Variants in CCNB2 observed in about 807,000 individuals in gnomAD.
The protein encoded by CCNB2 is G2/mitotic-specific cyclin-B2.
In CCNB2, 39 loss-of-function variants were observed where a neutral mutation model predicts 51.1. The observed-to-expected ratio is 0.76, with a 90% confidence interval of 0.59 to 1.00. The LOEUF (loss-of-function observed/expected upper bound fraction) is 1.00. CCNB2 is among the 50% of genes least tolerant of loss of function. The pLI, the probability that CCNB2 is intolerant of heterozygous loss-of-function variation, is 0.00. For synonymous variants in CCNB2, 174 were observed against 165.5 expected (o/e 1.05, Z -0.40); for missense variants, 472 against 470.3 (o/e 1.00, Z -0.03).
rs28383537 is a variant in CCNB2, at chr15:59,116,244, G to A, written c.598-446G>A. 4.4e-3 allele frequency among the ~76,000 whole-genome samples: 677 copies of A among 152,136 alleles called. 4 individuals carry two copies. The highest frequency in any genetic ancestry group is 0.012 in the South Asian group (57 of 4,808). On this transcript the variant is annotated intron_variant, in intron 5 of 8. Transcript: ENST00000288207. ...CATTAAATTCTCACTTTTTTCTTTG[G>A]CCTCATTTCTATTCAGACCATGTTT...
At chr15:59,120,921 A>G (rs2079299469) in intron 7 of CCNB2, 1 of 152,220 alleles carries the variant, frequency 6.6e-6, no homozygotes, top group Admixed American at 6.5e-5. Context: ...CGTGTTGTGC[A>G]GTAAGATGTA....
intron 3 of CCNB2, among the ~76,000 whole-genome samples, chr15:59,110,024 C>T (rs1327521430): frequency 1.3e-5 from 2 of 152,044 alleles, no homozygotes; most frequent in South Asian, 4.2e-4. Flanking sequence ...AAACAAAAAA[C>T]TTCAAACTTT....
At chr15:59,108,700 T>C (rs10518998) in intron 3 of CCNB2, among the ~76,000 whole-genome samples, 5,974 of 152,292 alleles carry the variant, frequency 0.039, 209 homozygotes, top group African/African-American at 0.095. Flanking sequence ...AAAGGTATCC[T>C]GTTTGGCTTC....
At chr15:59,114,304 T>G (rs1350774035) in intron 3 of CCNB2, 140 bp from the exon 4 acceptor site, 1 of 598,622 alleles carries the variant, frequency 1.7e-6, no homozygotes, top group African/African-American at 1.8e-5. Context: ...ATATCTTGAA[T>G]TATTCACCTC....
At chr15:59,114,695 T>C in intron 4 of CCNB2, 23 bp from the exon 5 acceptor site, 1 of 1,594,398 alleles carries the variant, frequency 6.3e-7, no homozygotes, top group Non-Finnish European at 8.6e-7. Context: ...GTCAGCTTTT[T>C]AAACTTTTGA....
chr15:59,116,655 T>C, intron 5 of CCNB2, 35 bp from the exon 6 acceptor site: 1 of 1,446,008 alleles, frequency 6.9e-7, no homozygotes, highest in East Asian at 2.3e-5. Context: ...CTCTTCTTGT[T>C]AGGTGTGACT....
In CCNB2 at chr15:59,105,228, C is replaced by T; in HGVS notation, c.-41C>T. 1 of 1,550,964 alleles carries T rather than the reference C, an allele frequency of 6.4e-7. No homozygotes were observed. Among genetic ancestry groups the T allele is most frequent in the Non-Finnish European group, 8.7e-7 (1 of 1,147,956 alleles). On this transcript the variant is annotated 5_prime_UTR_variant, in exon 1 of 9. Transcript: ENST00000288207. Reference sequence around the variant, plus strand: ...TGTCCTCCCTTTTCAGTCCGCGTCCCTCCCTGGGCCGGGCTGGCACTCTTG... The same window carrying T: ...TGTCCTCCCTTTTCAGTCCGCGTCCTTCCCTGGGCCGGGCTGGCACTCTTG...
At chr15:59,122,239 A>ATATTTTTT (rs1330208146) in intron 7 of CCNB2, among the ~76,000 whole-genome samples, 1 of 97,440 alleles carries the variant, frequency 1.0e-5, no homozygotes, top group East Asian at 3.7e-4. Flanking sequence ...CAGTTGACAT[A>ATATTTTTT]TCTTTTTTTT....
At chr15:59,119,899 G>C (rs2079295235) in intron 7 of CCNB2, among the ~76,000 whole-genome samples, 1 of 152,062 alleles carries the variant, frequency 6.6e-6, no homozygotes, top group African/African-American at 2.4e-5. Context: ...GTAGAGATTA[G>C]CTCTCCCTGT....
chr15:59,111,775 T>A (rs964938199), intron 3 of CCNB2, among the ~76,000 whole-genome samples: 2 of 152,090 alleles, frequency 1.3e-5, no homozygotes, highest in Non-Finnish European at 2.9e-5. Context: ...TCTGGTACCC[T>A]GGGTACCTCT....
Position 59,122,241 on chromosome 15 carries a change from C to CTTT in CCNB2, c.976-1253_976-1251dup, listed in dbSNP as rs1162917277. On this transcript the variant is annotated intron_variant, in intron 7 of 8. Coordinates refer to ENST00000288207, the MANE Select transcript of CCNB2 (RefSeq NM_004701.4). ...TCTTAAATAAAGTCAGTTGACATAT[C>CTTT]TTTTTTTTTTTTTTTTTTTTTTTTT... Among the ~76,000 whole-genome samples, 232 of 73,000 alleles carry CTTT rather than the reference C, an allele frequency of 3.2e-3. 11 individuals carry two copies. Among genetic ancestry groups the CTTT allele is most frequent in the African/African-American group, 5.2e-3 (90 of 17,180 alleles). The allele number at this position is 73,000 out of a possible 152,430, so 47.9% of individuals were successfully genotyped here.
intron 3 of CCNB2, among the ~76,000 whole-genome samples, chr15:59,112,836 C>T (rs1158590348): frequency 2.6e-5 from 4 of 151,284 alleles, no homozygotes; most frequent in African/African-American, 4.9e-5. Context: ...AGATCGAGAC[C>T]ATCCTGGCTA....
chr15:59,114,769 C>T lies in CCNB2; in HGVS notation c.490C>T (p.Arg164Cys), dbSNP rs144432316. Reference protein sequence around the residue: ...HFLDGRDINGRMRAILVDWLV... With the variant: ...HFLDGRDINGCMRAILVDWLV... ...CTTAGATGGAAGAGATATAAATGGA[C>T]GCATGCGTGCCATCCTAGTGGATTG... The change falls in exon 5 of 9, where the codon CGC becomes TGC. Residue 164 changes from arginine (R) to cysteine (C), a missense_variant. Coordinates refer to ENST00000288207, the MANE Select transcript of CCNB2 (RefSeq NM_004701.4). 1.1e-3 allele frequency: 1,769 copies of T among 1,614,048 alleles called. 1 individual carries two copies. The highest frequency in any genetic ancestry group is 1.7e-3 in the Middle Eastern group (10 of 6,060).
At chr15:59,121,736 A>G (rs747810705) in intron 7 of CCNB2, among the ~76,000 whole-genome samples, 3 of 152,064 alleles carry the variant, frequency 2.0e-5, no homozygotes, top group Non-Finnish European at 4.4e-5. Context: ...GTTTGAGACC[A>G]GCCTAGCCAA....
chr15:59,105,379 C>G, intron 1 of CCNB2, 87 bp downstream of exon 1: 1 of 1,406,464 alleles, frequency 7.1e-7, no homozygotes, highest in Non-Finnish European at 9.7e-7. Flanking sequence ...CCGAGCTTCT[C>G]CGTCCCAACC....
At chr15:59,124,732 C>T (rs768452125) in intron 8 of CCNB2, 35 bp from the exon 9 acceptor site, 22 of 1,418,470 alleles carry the variant, frequency 1.6e-5, no homozygotes, top group Non-Finnish European at 2.0e-5. Context: ...ATTGGGGGTT[C>T]CTGACATGTG....
chr15:59,116,318 G>T (rs1276755014), intron 5 of CCNB2, among the ~76,000 whole-genome samples: 1 of 152,206 alleles, frequency 6.6e-6, no homozygotes, highest in African/African-American at 2.4e-5. Flanking sequence ...GCATGAGGTT[G>T]TGGGAAGGGT....
At chr15:59,122,443 T>C (rs1445384280) in intron 7 of CCNB2, among the ~76,000 whole-genome samples, 1 of 151,744 alleles carries the variant, frequency 6.6e-6, no homozygotes, top group Non-Finnish European at 1.5e-5. Context: ...CAGGCTGGTC[T>C]CGAACTCCTG....
chr15:59,110,801 AT>A (rs2140286492), intron 3 of CCNB2, among the ~76,000 whole-genome samples: 1 of 152,306 alleles, frequency 6.6e-6, no homozygotes, highest in South Asian at 2.1e-4. Context: ...GAAGCTTATT[AT>A]CCTGCAGGTT....
Sources: gnomAD v4.1 joint callset for allele counts (sites outside exome capture counted in the v4.1 genomes callset) on GRCh38, gnomAD v4.1.1 for gene constraint, MANE v1.5 for transcripts, NCBI Gene and HGNC (gene_info 2026-07-23, HGNC 2026-07-21) for gene names.